The following ELF2 variants were observed in gnomAD, a reference collection of about 807,000 sequenced individuals.
The protein encoded by ELF2 is ETS-related transcription factor Elf-2.
Under a neutral mutation model 54.8 loss-of-function variants are expected in ELF2, and 11 were observed. That is an observed-to-expected ratio of 0.20 (90% CI 0.13 to 0.33). The LOEUF (loss-of-function observed/expected upper bound fraction) is 0.33, where lower values mean the gene tolerates loss of function less well. ELF2 is among the 10% of genes least tolerant of loss of function. The pLI, the probability that ELF2 is intolerant of heterozygous loss-of-function variation, is 1.00. For missense variants in ELF2, 513 were observed against 703.0 expected, an observed-to-expected ratio of 0.73 and a Z score of 3.06; for synonymous variants, 203 against 245.1, an observed-to-expected ratio of 0.83 and a Z score of 1.61.
chr4:139,170,259 C>CT (rs70940499), intron 1 of ELF2, among the ~76,000 whole-genome samples: 1,118 of 89,306 alleles, frequency 0.013, 9 homozygotes, highest in East Asian at 0.021. Context: ...TCTTAATCGC[C>CT]TTTTTTTTTT....
At chr4:139,165,510 A>C (rs886660937) in intron 1 of ELF2, among the ~76,000 whole-genome samples, 2 of 152,032 alleles carry the variant, frequency 1.3e-5, no homozygotes, top group African/African-American at 2.4e-5. Context: ...TTAAAATACA[A>C]AATTAGGCCA....
rs1358769320 is a variant in ELF2 at position 139,058,092 on chromosome 4, C to T, written c.*891G>A. Reference sequence around the variant, plus strand: ...ATGCTGAGCCTGAACTTCCAAGTGACAGCAGAACTGAAAATGGTATGTCTG... The same window carrying T: ...ATGCTGAGCCTGAACTTCCAAGTGATAGCAGAACTGAAAATGGTATGTCTG... On this transcript the variant is annotated 3_prime_UTR_variant, in exon 10 of 10. Coordinates refer to ENST00000686138, the MANE Select transcript of ELF2 (RefSeq NM_001331036.3). The T allele has an allele frequency of 1.3e-5, 2 of 152,438 alleles. No individual in the cohort carries two copies. The highest frequency in any genetic ancestry group is 4.8e-5 in the African/African-American group (2 of 41,388). The allele number at this position is 152,438 out of a possible 1,614,324, so 9.4% of individuals were successfully genotyped here.
chr4:139,169,166 G>A (rs1391604520), intron 1 of ELF2, among the ~76,000 whole-genome samples: 1 of 151,690 alleles, frequency 6.6e-6, no homozygotes, highest in Non-Finnish European at 1.5e-5. Flanking sequence ...TGGCCAAAAT[G>A]GTGAAACCCC....
intron 4 of ELF2, among the ~76,000 whole-genome samples, chr4:139,079,002 C>CA (rs1326610156): frequency 6.6e-6 from 1 of 152,038 alleles, no homozygotes; most frequent in Non-Finnish European, 1.5e-5. Context: ...GATCATGGTT[C>CA]ACTGTAGCTT....
At chr4:139,145,277 A>G (rs1031795033) in intron 1 of ELF2, among the ~76,000 whole-genome samples, 2 of 152,210 alleles carry the variant, frequency 1.3e-5, no homozygotes, top group Admixed American at 6.5e-5. Context: ...CAACCAAGGA[A>G]TCTCACAACG....
chr4:139,161,742 G>A (rs915773827), intron 1 of ELF2, among the ~76,000 whole-genome samples: 4 of 150,768 alleles, frequency 2.7e-5, no homozygotes, highest in South Asian at 2.1e-4. Context: ...AGGCTGAGAC[G>A]GGCGAATCAC....
At chr4:139,121,861 A>G (rs1021889155) in intron 4 of ELF2, among the ~76,000 whole-genome samples, 3 of 152,264 alleles carry the variant, frequency 2.0e-5, no homozygotes, top group African/African-American at 7.2e-5. Context: ...GAACATCAGT[A>G]TTACACATAA....
intron 1 of ELF2, among the ~76,000 whole-genome samples, chr4:139,145,499 GCACCACAT>G (rs1428187734): frequency 6.6e-6 from 1 of 152,214 alleles, no homozygotes; most frequent in African/African-American, 2.4e-5. Context: ...AAGGGGGACA[GCACCACAT>G]CAAGGAAGCA....
At chr4:139,096,644 T>A (rs988315002) in intron 4 of ELF2, among the ~76,000 whole-genome samples, 5 of 149,826 alleles carry the variant, frequency 3.3e-5, no homozygotes, top group South Asian at 2.1e-4. Flanking sequence ...TTTTTTTTTT[T>A]AATTCTTTGT....
chr4:139,133,746 T>G (rs995846111), intron 3 of ELF2, among the ~76,000 whole-genome samples: 2 of 152,214 alleles, frequency 1.3e-5, no homozygotes, highest in African/African-American at 2.4e-5. Context: ...TGGGACTATA[T>G]GCACGTGCCA....
intron 1 of ELF2, among the ~76,000 whole-genome samples, chr4:139,173,282 G>C (rs932881661): frequency 1.3e-5 from 2 of 152,020 alleles, no homozygotes; most frequent in African/African-American, 4.8e-5. Context: ...TATCAGGTAA[G>C]TCAAAAGCTA....
intron 4 of ELF2, among the ~76,000 whole-genome samples, chr4:139,124,327 GC>G (rs777712011): frequency 6.6e-6 from 1 of 152,134 alleles, no homozygotes; most frequent in Non-Finnish European, 1.5e-5. Flanking sequence ...GCTGGAAGAG[GC>G]TAGTAGCCCT....
chr4:139,145,565 G>A (rs147636599), intron 1 of ELF2, among the ~76,000 whole-genome samples: 1 of 152,232 alleles, frequency 6.6e-6, no homozygotes, highest in African/African-American at 2.4e-5. Context: ...TGATACCAAA[G>A]CCAGGAAAGG....
chr4:139,132,057 C>A (rs900727373), intron 3 of ELF2, among the ~76,000 whole-genome samples: 1 of 152,080 alleles, frequency 6.6e-6, no homozygotes, highest in African/African-American at 2.4e-5. Flanking sequence ...AAATTATTAA[C>A]CTGGTGAAAG....
At chr4:139,139,130 G>GTATT (rs1738465684) in intron 2 of ELF2, among the ~76,000 whole-genome samples, 1 of 151,980 alleles carries the variant, frequency 6.6e-6, no homozygotes, top group Non-Finnish European at 1.5e-5. Context: ...TTATGCCCTT[G>GTATT]TATTATGTTT....
chr4:139,059,062 A>G lies in ELF2; in HGVS notation c.1703T>C (p.Val568Ala), dbSNP rs778925818. ...AGCTGAAGGCGCACTGACAACCACTACGTGGGTCACTGTCTTATTTCCATC... is the reference window on the plus strand; with the variant it reads ...AGCTGAAGGCGCACTGACAACCACTGCGTGGGTCACTGTCTTATTTCCATC... ...PADGNKTVTH[V>A]VVVSAPSAIA... is the part of the protein sequence containing the mutation. The change falls in exon 10 of 10, where the codon GTA becomes GCA. Residue 568 changes from valine to alanine, a missense_variant. Around this residue, in one of 3 missense-constraint regions of ELF2, gnomAD observed 291 missense variants for 366.1 expected, o/e 0.79. Coordinates refer to ENST00000686138, the MANE Select transcript of ELF2 (RefSeq NM_001331036.3). 3.7e-6 allele frequency: 6 copies of G among 1,613,978 alleles called. No individual in the cohort carries two copies. The Admixed American group carries it at 6.7e-5, about 18-fold the overall frequency.
chr4:139,149,895 T>C (rs1242369142), intron 1 of ELF2, among the ~76,000 whole-genome samples: 1 of 152,182 alleles, frequency 6.6e-6, no homozygotes, highest in Non-Finnish European at 1.5e-5. Flanking sequence ...TTGACAAAGA[T>C]AGTAAACAAT....
chr4:139,105,585 T>C (rs1410383215), intron 4 of ELF2, among the ~76,000 whole-genome samples: 4 of 152,152 alleles, frequency 2.6e-5, no homozygotes, highest in Non-Finnish European at 5.9e-5. Flanking sequence ...GGGATAATGA[T>C]TGTCAAAAAA....
At chr4:139,145,153 ATCAGCACTG>A (rs1474782117) in intron 1 of ELF2, among the ~76,000 whole-genome samples, 3 of 152,258 alleles carry the variant, frequency 2.0e-5, no homozygotes, top group African/African-American at 4.8e-5. Flanking sequence ...TGACCCAGTT[ATCAGCACTG>A]TCTGCAGTAC....
Sources: allele counts gnomAD v4.1 joint callset (sites outside exome capture counted in the v4.1 genomes callset), GRCh38; gene constraint gnomAD v4.1.1; regional missense constraint gnomAD v4.1.1; transcripts MANE v1.5; gene names NCBI Gene and HGNC (gene_info 2026-07-23, HGNC 2026-07-21).